ATL3: variants seen among roughly 807,000 people sequenced by gnomAD.
ATL3 encodes atlastin GTPase 3.
ATL3 carries 49 observed loss-of-function variants against 69.5 expected under a neutral mutation model. That is an observed-to-expected ratio of 0.71 (90% CI 0.56 to 0.89). The LOEUF (loss-of-function observed/expected upper bound fraction) is 0.89. ATL3 is among the 40% of genes least tolerant of loss of function. ATL3 has a pLI of 0.00. For synonymous variants in ATL3, 214 were observed against 224.1 expected (o/e 0.95, Z 0.40); for missense variants, 606 against 645.7 (o/e 0.94, Z 0.67).
intron 1 of ATL3, among the ~76,000 whole-genome samples, chr11:63,663,331 C>T (rs1218142511): frequency 2.0e-5 from 3 of 152,042 alleles, no homozygotes; most frequent in Non-Finnish European, 4.4e-5. Flanking sequence ...ATGTGGCCCA[C>T]ATTAGTCTCA....
At chr11:63,647,148 G>GA (rs1471704774) in intron 5 of ATL3, among the ~76,000 whole-genome samples, 5 of 151,982 alleles carry the variant, frequency 3.3e-5, no homozygotes, top group African/African-American at 1.2e-4. Context: ...GCCATCTACC[G>GA]AAAAAGATTA....
intron 12 of ATL3, among the ~76,000 whole-genome samples, chr11:63,630,507 C>T (rs541072824): frequency 4.9e-4 from 73 of 149,050 alleles, no homozygotes; most frequent in African/African-American, 1.8e-3. Flanking sequence ...CATTAAAGGG[C>T]TATTTTTGGG....
chr11:63,631,577 A>T, intron 11 of ATL3, 106 bp from the exon 12 acceptor site: 2 of 1,014,120 alleles, frequency 2.0e-6, no homozygotes, highest in Non-Finnish European at 2.8e-6. Flanking sequence ...AGATGTTAAC[A>T]ATGTATTAAT....
In ATL3 at chr11:63,629,031, C is replaced by T. The variant is rs1430659486; in HGVS notation, c.*288G>A. ...ACTTAAAAGCTGCATTTCCATTTTT[C>T]CTCTAGCTTCCTCCTCCATAAAGTG... On this transcript the variant is annotated 3_prime_UTR_variant, in exon 13 of 13. Transcript: ENST00000398868. The T allele has an allele frequency of 4.1e-5, 14 of 341,810 alleles. 1 individual carries two copies. In the East Asian group the frequency reaches 6.1e-4, roughly 15 times the overall value. The allele number at this position is 341,810 out of a possible 1,614,324, so 21.2% of individuals were successfully genotyped here.
At position 63,652,003 on chromosome 11, in the gene ATL3, C is replaced by T. The variant is rs758193180; in HGVS notation, c.511-17G>A. Reference sequence around the variant, plus strand: ...ATTATAAATCTAGAAAACAAAAATCCAGATTGATACTACTCTGGCTTACTT... The same window carrying T: ...ATTATAAATCTAGAAAACAAAAATCTAGATTGATACTACTCTGGCTTACTT... On this transcript the variant is annotated splice_polypyrimidine_tract_variant and intron_variant, in intron 4 of 12. Transcript: ENST00000398868. 41 of 1,599,508 alleles carry T rather than the reference C, an allele frequency of 2.6e-5. No homozygotes were observed. The highest frequency in any genetic ancestry group is 3.2e-5 in the Non-Finnish European group (38 of 1,175,582).
At chr11:63,671,740 C>T (rs780992227), upstream of ATL3, 524 of 1,226,162 alleles carry the variant, frequency 4.3e-4, no homozygotes, top group Non-Finnish European at 5.3e-4. Context: ...TGGGGCGGGG[C>T]TTGGCGTGGT....
rs1321510135 is a variant in ATL3 at position 63,625,069 on chromosome 11, C to G, written c.*4250G>C. 6.6e-6 allele frequency: 1 copy of G among 152,136 alleles called. No homozygotes were observed. Among genetic ancestry groups the G allele is most frequent in the Non-Finnish European group, 1.5e-5 (1 of 68,030 alleles). The allele number at this position is 152,136 out of a possible 1,614,324, so 9.4% of individuals were successfully genotyped here. A position where few individuals can be genotyped will look rare whatever the true frequency, so the allele number is the denominator to read the frequency against. On this transcript the variant is annotated 3_prime_UTR_variant, in exon 13 of 13. Transcript: ENST00000398868. ...CCTGCTAGGTAAGTCTTATGCACTC[C>G]AAGGTAGATGAGAACCACTACCCTA...
At position 63,652,408 on chromosome 11, in the gene ATL3, C is replaced by T. The variant is rs61928195; in HGVS notation, c.510+63G>A. ...TCTGTTAACAGAACAATAACCAAAA[C>T]TGTATTTCCTCCCTTTATCTTATTT... On this transcript the variant is annotated intron_variant, in intron 4 of 12. Transcript: ENST00000398868. The T allele has an allele frequency of 0.13, 137,022 of 1,048,104 alleles. 10,100 individuals are homozygous for T. Among genetic ancestry groups the T allele is most frequent in the Middle Eastern group, 0.17 (799 of 4,608 alleles). The allele number at this position is 1,048,104 out of a possible 1,614,324, so 64.9% of individuals were successfully genotyped here.
At position 63,659,111 on chromosome 11, in the gene ATL3, A is replaced by G. The variant is rs1940346264; in HGVS notation, c.188T>C (p.Val63Ala). The G allele has an allele frequency of 2.5e-6, 4 of 1,613,972 alleles. No individual in the cohort carries two copies. In the Admixed American group the frequency reaches 6.7e-5, roughly 27 times the overall value. The change falls in exon 2 of 13, where the codon GTT becomes GCT. Residue 63 changes from valine to alanine, a missense_variant. Coordinates refer to ENST00000398868, the MANE Select transcript of ATL3 (RefSeq NM_015459.5). ...DHIRDLDVVVVSVAGAFRKGK... is the reference protein window; with the variant it reads ...DHIRDLDVVVASVAGAFRKGK... ...CTTTCGGAAGGCACCAGCCACTGAA[A>G]CCACCACCACATCAAGATCTCGGAT... is the stretch of plus-strand genomic sequence containing the variant.
At chr11:63,671,201 G>A (rs1309777014) in intron 1 of ATL3, 89 bp downstream of exon 1, 30 of 1,458,514 alleles carry the variant, frequency 2.1e-5, no homozygotes, top group Non-Finnish European at 2.5e-5. Flanking sequence ...AGGAAGGGCG[G>A]CGGCGCGGGC....
At chr11:63,665,009 T>TA (rs990215032) in intron 1 of ATL3, among the ~76,000 whole-genome samples, 1 of 152,128 alleles carries the variant, frequency 6.6e-6, no homozygotes, top group Non-Finnish European at 1.5e-5. Flanking sequence ...ACATGGAAGA[T>TA]AAAGTTACGT....
At chr11:63,650,672 T>TA (rs1940046273) in intron 5 of ATL3, 2 of 152,230 alleles carry the variant, frequency 1.3e-5, no homozygotes. Flanking sequence ...AAAAATATGC[T>TA]AAAGTCCTCG....
rs370714781 is a variant in ATL3 at position 63,669,042 on chromosome 11, A to T, written c.46+2248T>A. ...GGGGGGGCGTCTCACCATGTTGGCCAGGCTGGTCTTGAACTCCTGACCTCA... is the reference window on the plus strand; with the variant it reads ...GGGGGGGCGTCTCACCATGTTGGCCTGGCTGGTCTTGAACTCCTGACCTCA... On this transcript the variant is annotated intron_variant, in intron 1 of 12. Transcript: ENST00000398868. Among the ~76,000 whole-genome samples the T allele has an allele frequency of 6.9e-5, 10 of 145,608 alleles. No homozygotes were observed. In the East Asian group the frequency reaches 1.6e-3, roughly 23 times the overall value.
chr11:63,638,275 T>C (rs1939584288), intron 8 of ATL3, among the ~76,000 whole-genome samples: 1 of 152,172 alleles, frequency 6.6e-6, no homozygotes. Flanking sequence ...CTACAAAGCC[T>C]CCTGTGTTAA....
intron 8 of ATL3, among the ~76,000 whole-genome samples, chr11:63,641,974 C>T (rs1939715207): frequency 6.6e-6 from 1 of 152,104 alleles, no homozygotes; most frequent in South Asian, 2.1e-4. Flanking sequence ...TTAAGAATTC[C>T]ACTGGACACA....
intron 1 of ATL3, among the ~76,000 whole-genome samples, chr11:63,665,358 A>AG (rs1940544375): frequency 1.3e-5 from 2 of 151,938 alleles, no homozygotes; most frequent in Non-Finnish European, 2.9e-5. Context: ...AAAAAAAAAA[A>AG]AAAAAGAAGA....
intron 6 of ATL3, among the ~76,000 whole-genome samples, chr11:63,645,554 G>GAGAGAGAGAC (rs1247836000): frequency 8.7e-5 from 13 of 150,198 alleles, no homozygotes; most frequent in African/African-American, 2.2e-4. Context: ...GAGAGAGAGA[G>GAGAGAGAGAC]AGAGAGAGAC....
chr11:63,647,195 A>T (rs1172964673), intron 5 of ATL3, among the ~76,000 whole-genome samples: 1 of 151,858 alleles, frequency 6.6e-6, no homozygotes, highest in African/African-American at 2.4e-5. Flanking sequence ...TCGTGTCTTT[A>T]AAAAAAAATT....
chr11:63,634,038 C>CAAA (rs1158615731), intron 10 of ATL3, among the ~76,000 whole-genome samples: 11 of 76,096 alleles, frequency 1.4e-4, no homozygotes, highest in Non-Finnish European at 1.8e-4. Flanking sequence ...CTGTCTCAAA[C>CAAA]AAAAAAAAAA....
Sources: allele counts gnomAD v4.1 joint callset (sites outside exome capture counted in the v4.1 genomes callset), GRCh38; gene constraint gnomAD v4.1.1; transcripts MANE v1.5; gene names NCBI Gene and HGNC (gene_info 2026-07-23, HGNC 2026-07-21).